ANKHD1: variants seen among roughly 807,000 people sequenced by gnomAD.
ANKHD1 encodes the protein ankyrin repeat and KH domain containing 1.
In ANKHD1, 31 loss-of-function variants were observed where a neutral mutation model predicts 230.5. The ratio of observed to expected loss-of-function variants is 0.13; its 90% CI spans 0.10 to 0.18. The LOEUF is 0.18. Among genes scored for constraint, ANKHD1 ranks in the 10% least tolerant of loss-of-function variants. ANKHD1 has a pLI of 1.00. For missense variants in ANKHD1, 2,256 were observed against 3,071.3 expected (o/e 0.73, Z 6.27); for synonymous variants, 1,074 against 1,117.6 (o/e 0.96, Z 0.78).
chr5:140,465,211 T>G (rs971277340), intron 10 of ANKHD1: 17 of 152,410 alleles, frequency 1.1e-4, no homozygotes, highest in African/African-American at 4.1e-4. Flanking sequence ...AATGTGTAAT[T>G]ATCAAATCAG....
At chr5:140,454,330 A>G (rs1774992919) in intron 7 of ANKHD1, among the ~76,000 whole-genome samples, 1 of 152,150 alleles carries the variant, frequency 6.6e-6, no homozygotes, top group African/African-American at 2.4e-5. Context: ...AGGGATATCC[A>G]GGAATTGAAC....
intron 1 of ANKHD1, among the ~76,000 whole-genome samples, chr5:140,406,016 G>A (rs1770407007): frequency 1.3e-5 from 2 of 151,964 alleles, no homozygotes; most frequent in East Asian, 2.0e-4. Context: ...AAGGCGGGTG[G>A]ATCAGCTGAG....
chr5:140,436,021 G>A, intron 1 of ANKHD1, 83 bp from the exon 2 acceptor site: 1 of 1,324,290 alleles, frequency 7.6e-7, no homozygotes, highest in Non-Finnish European at 9.7e-7. Context: ...TTCTAATTAA[G>A]AAGTCATATT....
intron 7 of ANKHD1, among the ~76,000 whole-genome samples, chr5:140,457,737 GA>G (rs770497088): frequency 9.9e-5 from 15 of 151,982 alleles, no homozygotes; most frequent in Non-Finnish European, 2.1e-4. Flanking sequence ...AAAGCATTAG[GA>G]GATATACCCA....
At chr5:140,476,978 C>T (rs1481513434) in intron 10 of ANKHD1, among the ~76,000 whole-genome samples, 1 of 151,812 alleles carries the variant, frequency 6.6e-6, no homozygotes, top group Non-Finnish European at 1.5e-5. Context: ...AAAATAGAAT[C>T]GTAATCAGAA....
At chr5:140,414,908 A>G (rs1771232712) in intron 1 of ANKHD1, among the ~76,000 whole-genome samples, 1 of 151,814 alleles carries the variant, frequency 6.6e-6, no homozygotes, top group Admixed American at 6.6e-5. Flanking sequence ...TATTCTGGAT[A>G]TTAATCCCTT....
chr5:140,492,046 G>C (rs991742942), intron 14 of ANKHD1, among the ~76,000 whole-genome samples: 1 of 152,150 alleles, frequency 6.6e-6, no homozygotes, highest in African/African-American at 2.4e-5. Context: ...AATTAAATTG[G>C]CATGCTGCTT....
chr5:140,536,570 A>G (rs1392787898), intron 30 of ANKHD1, among the ~76,000 whole-genome samples: 2 of 152,222 alleles, frequency 1.3e-5, no homozygotes, highest in Non-Finnish European at 2.9e-5. Context: ...CTGTGAATCA[A>G]AATCGTACAA....
intron 1 of ANKHD1, among the ~76,000 whole-genome samples, chr5:140,406,237 CAA>C (rs531153182): frequency 1.5e-4 from 14 of 90,992 alleles, no homozygotes; most frequent in Admixed American, 2.4e-4. Context: ...GACTCTGTCT[CAA>C]AAAAAAAAAA....
chr5:140,430,110 C>CTTGTTTT (rs754589438), intron 1 of ANKHD1, among the ~76,000 whole-genome samples: 1 of 152,134 alleles, frequency 6.6e-6, no homozygotes, highest in Non-Finnish European at 1.5e-5. Flanking sequence ...TCCCATACTC[C>CTTGTTTT]TTGTTTTTTG....
intron 1 of ANKHD1, among the ~76,000 whole-genome samples, chr5:140,415,273 C>T (rs1222453342): frequency 4.0e-5 from 6 of 151,412 alleles, no homozygotes; most frequent in African/African-American, 1.2e-4. Flanking sequence ...ATCCCAGCTA[C>T]TCAGGAGGCT....
intron 7 of ANKHD1, among the ~76,000 whole-genome samples, chr5:140,451,315 A>G (rs1339907120): frequency 6.6e-6 from 1 of 152,250 alleles, no homozygotes; most frequent in Non-Finnish European, 1.5e-5. Context: ...ATGCATTTCA[A>G]CTACCAGATG....
rs902400967 is a variant in ANKHD1, at chr5:140,526,977, G to A, written c.4990G>A (p.Val1664Met). Reference sequence around the variant, plus strand: ...TTCCTTGTCAACCAGCTACAAGACAGTGTCATTGCCATTAAGCTCTCCAAA... The same window carrying A: ...TTCCTTGTCAACCAGCTACAAGACAATGTCATTGCCATTAAGCTCTCCAAA... ...PNSLSTSYKT[V>M]SLPLSSPNIK... The change falls in exon 27 of 34, where the codon GTG (valine) becomes ATG (methionine). Residue 1664 changes from valine (V) to methionine (M), a missense_variant. By Grantham distance (21) the Val-to-Met change is conservative (BLOSUM62 1). Coordinates refer to ENST00000360839, the MANE Select transcript of ANKHD1 (RefSeq NM_017747.3). 5 of 1,613,772 alleles carry A rather than the reference G, an allele frequency of 3.1e-6. No individual in the cohort carries two copies. The highest frequency in any genetic ancestry group is 4.2e-6 in the Non-Finnish European group (5 of 1,179,840).
chr5:140,445,650 TG>T, intron 5 of ANKHD1, 91 bp from the exon 6 acceptor site: 1 of 1,178,150 alleles, frequency 8.5e-7, no homozygotes, highest in South Asian at 2.9e-5. Flanking sequence ...TGTTCTGTCA[TG>T]ATTGTATATT....
chr5:140,535,249 T>G (rs148295400), intron 29 of ANKHD1, 113 bp from the exon 30 acceptor site: 2 of 1,450,240 alleles, frequency 1.4e-6, no homozygotes, highest in African/African-American at 2.8e-5. Flanking sequence ...ATGCTATCTT[T>G]TATTTATTTG....
chr5:140,484,372 CTT>C (rs1423973637), intron 11 of ANKHD1, among the ~76,000 whole-genome samples: 1 of 152,112 alleles, frequency 6.6e-6, no homozygotes, highest in East Asian at 1.9e-4. Flanking sequence ...TAAGAAAAGA[CTT>C]TGCATTTAGA....
rs779893646 is a variant in ANKHD1, at chr5:140,529,714, A to G, written c.6768A>G (p.Gly2256=). 3.7e-6 allele frequency: 6 copies of G among 1,614,142 alleles called. No individual in the cohort carries two copies. The highest frequency in any genetic ancestry group is 5.1e-6 in the Non-Finnish European group (6 of 1,180,036). Reference sequence around the variant, plus strand: ...CGTTCCTGGGTAACTCAGTGCTTGGACACTTGGAAAACATGCACCCTGATA... The same window carrying G: ...CGTTCCTGGGTAACTCAGTGCTTGGGCACTTGGAAAACATGCACCCTGATA... The part of the protein sequence containing the change: ...QSAFLGNSVL[G]HLENMHPDNS... The change falls in exon 29 of 34, where the codon GGA becomes GGG. Residue 2256 remains glycine (G), a synonymous_variant. Coordinates refer to ENST00000360839, the MANE Select transcript of ANKHD1 (RefSeq NM_017747.3).
intron 1 of ANKHD1, among the ~76,000 whole-genome samples, chr5:140,430,379 G>C (rs1443553690): frequency 6.6e-6 from 1 of 152,152 alleles, no homozygotes; most frequent in Non-Finnish European, 1.5e-5. Flanking sequence ...GCTGAATGTA[G>C]CTACTGAATA....
chr5:140,442,678 A>C (rs1773953500), intron 5 of ANKHD1, among the ~76,000 whole-genome samples: 1 of 152,156 alleles, frequency 6.6e-6, no homozygotes, highest in African/African-American at 2.4e-5. Context: ...TTAATTTTTT[A>C]TCTGATTATG....
Sources: allele counts gnomAD v4.1 joint callset (sites outside exome capture counted in the v4.1 genomes callset), GRCh38; gene constraint gnomAD v4.1.1; transcripts MANE v1.5; gene names NCBI Gene and HGNC (gene_info 2026-07-23, HGNC 2026-07-21).